The following MADD variants were observed in gnomAD, a reference collection of about 807,000 sequenced individuals.
The protein encoded by MADD is MAP kinase activating death domain.
In MADD, 109 loss-of-function variants were observed where a neutral mutation model predicts 176.7. That is an observed-to-expected ratio of 0.62 (90% CI 0.53 to 0.72). MADD has a LOEUF of 0.72. Among genes scored for constraint, MADD ranks in the 30% least tolerant of loss-of-function variants. MADD has a pLI of 0.00. For synonymous variants in MADD, 771 were observed against 771.3 expected (o/e 1.00, Z 0.01); for missense variants, 1,914 against 2,045.5 (o/e 0.94, Z 1.24).
Position 47,326,819 on chromosome 11 carries a change from A to G in MADD, c.4612+12A>G, listed in dbSNP as rs1438965392. ...CCTGGAGGAATTTGGTAATTACACT[A>G]TTTTGCTCTTAGGTCTGGACTCACA... On this transcript the variant is annotated intron_variant, in intron 31 of 32. Coordinates refer to ENST00000402192, the Ensembl canonical transcript of MADD. 5 of 1,613,866 alleles carry G rather than the reference A, an allele frequency of 3.1e-6. No homozygotes were observed. In the East Asian group the frequency reaches 8.9e-5, roughly 29 times the overall value.
chr11:47,290,408 C>A (rs2064146410), intron 18 of MADD, 109 bp downstream of exon 19: 1 of 1,424,642 alleles, frequency 7.0e-7, no homozygotes, highest in Non-Finnish European at 9.4e-7. Context: ...CACGCTGCTT[C>A]CCATTAGGCT....
intron 26 of MADD, among the ~76,000 whole-genome samples, chr11:47,312,108 G>C (rs1302497732): frequency 2.0e-5 from 3 of 152,158 alleles, no homozygotes; most frequent in African/African-American, 7.2e-5. Flanking sequence ...GTTTTCACGG[G>C]GTTACATTTG....
At position 47,325,101 on chromosome 11, in the gene MADD, C is replaced by T. The variant is rs572692277; in HGVS notation, c.4542+524C>T. ...CTTTTTCTTCTGCGGATTCTTCTTCCTGTTCTTTTCCTTCCTCTGAGTGTT... is the reference window on the plus strand; with the variant it reads ...CTTTTTCTTCTGCGGATTCTTCTTCTTGTTCTTTTCCTTCCTCTGAGTGTT... On this transcript the variant is annotated intron_variant, in intron 30 of 32. Transcript: ENST00000402192. This position sits in a 1 kb window ranked among gnomAD's most constrained non-coding sequence, Gnocchi z 4.5. The T allele has an allele frequency of 3.7e-6, 1 of 267,150 alleles. No individual in the cohort carries two copies. The highest frequency in any genetic ancestry group is 2.2e-5 in the African/African-American group (1 of 45,198). 16.5% of individuals were successfully genotyped at this position (267,150 alleles called of 1,614,324 possible).
chr11:47,305,335 A>G (rs535994001), intron 22 of MADD, among the ~76,000 whole-genome samples: 24 of 152,162 alleles, frequency 1.6e-4, no homozygotes, highest in African/African-American at 5.3e-4. Flanking sequence ...TCTCTGTGGC[A>G]AGGTTGGATG....
In MADD at chr11:47,289,845, A is replaced by G. The variant is rs773077982; in HGVS notation, c.2757-22A>G. On this transcript the variant is annotated intron_variant, in intron 16 of 32. Transcript: ENST00000402192. ...TCTGCAAAGGAGCTGATGACCACAGAAGCGGTGTGTGGACCCTGTAGTGAG... is the reference window on the plus strand; with the variant it reads ...TCTGCAAAGGAGCTGATGACCACAGGAGCGGTGTGTGGACCCTGTAGTGAG... 9 of 1,611,962 alleles carry G rather than the reference A, an allele frequency of 5.6e-6. No individual in the cohort carries two copies. In the African/African-American group the frequency reaches 1.2e-4, roughly 22 times the overall value.
chr11:47,284,653 G>A, intron 12 of MADD, 88 bp downstream of exon 12: 1 of 1,481,006 alleles, frequency 6.8e-7, no homozygotes. Context: ...CTATTCATTT[G>A]CTGCTTCTCA....
intron 2 of MADD, 93 bp downstream of exon 2, chr11:47,274,069 T>C: frequency 8.6e-7 from 1 of 1,169,510 alleles, no homozygotes; most frequent in Non-Finnish European, 1.3e-6. Flanking sequence ...TTGCTTTGCA[T>C]AGCTCATCTT....
chr11:47,282,804 A>C lies in MADD; in HGVS notation c.1706-9A>C. On this transcript the variant is annotated splice_polypyrimidine_tract_variant and intron_variant, in intron 9 of 32. Transcript: ENST00000402192. ...TGCTGACTTTCTGTTCTTTTCCCTC[A>C]TGGGGTAGATATGTTTGATCCAGCC... The C allele has an allele frequency of 6.2e-7, 1 of 1,609,982 alleles. No individual in the cohort carries two copies. The highest frequency in any genetic ancestry group is 8.5e-7 in the Non-Finnish European group (1 of 1,177,468).
chr11:47,310,198 T>C (rs1340755905), intron 25 of MADD, among the ~76,000 whole-genome samples: 5 of 151,230 alleles, frequency 3.3e-5, no homozygotes, highest in African/African-American at 1.2e-4. Context: ...TTCTTTTTTT[T>C]TGAGACAGAG....
At chr11:47,283,494 C>T (rs2058520984) in intron 10 of MADD, among the ~76,000 whole-genome samples, 1 of 152,034 alleles carries the variant, frequency 6.6e-6, no homozygotes, top group South Asian at 2.1e-4. Flanking sequence ...TTCTCCCTCC[C>T]AGGTTCAAGT....
Position 47,293,985 on chromosome 11 carries a change from T to C in MADD, c.3402+2T>C. On this transcript the variant is annotated splice_donor_variant, in intron 20 of 32. Coordinates refer to ENST00000402192, the Ensembl canonical transcript of MADD. LOFTEE classifies it high-confidence loss of function. ...GTGAGCCTGACGTCTAGTTCCCAGG[T>C]TTGTGACAACCTTGTTGAAATTTGC... 6.2e-7 allele frequency: 1 copy of C among 1,612,500 alleles called. No homozygotes were observed. The highest frequency in any genetic ancestry group is 8.5e-7 in the Non-Finnish European group (1 of 1,178,556).
intron 27 of MADD, among the ~76,000 whole-genome samples, chr11:47,323,397 C>CAA (rs79918782): frequency 7.8e-6 from 1 of 128,642 alleles, no homozygotes; most frequent in South Asian, 2.5e-4. Flanking sequence ...GACCCTGTCT[C>CAA]AAAAAAAAAA....
intron 27 of MADD, among the ~76,000 whole-genome samples, chr11:47,315,533 G>T (rs983179155): frequency 2.0e-5 from 3 of 152,094 alleles, no homozygotes; most frequent in Non-Finnish European, 4.4e-5. Context: ...GGAGTGTAGT[G>T]GCTTGATCTC....
rs34602269 is a variant in MADD at position 47,276,851 on chromosome 11, A to G, written c.1083A>G (p.Ala361=). ...TCCCGCTGCTACCCACCTGCATGGCATCAGCAGAGCAGGTGAGTCTCAAGG... is the reference window on the plus strand; with the variant it reads ...TCCCGCTGCTACCCACCTGCATGGCGTCAGCAGAGCAGGTGAGTCTCAAGG... Residue 361 remains alanine (A), a synonymous_variant, in exon 5 of 33, where the codon GCA becomes GCG. Transcript: ENST00000402192. 0.015 allele frequency: 23,418 copies of G among 1,614,118 alleles called. 264 individuals carry two copies. Among genetic ancestry groups the G allele is most frequent in the Non-Finnish European group, 0.016 (19,377 of 1,180,014 alleles).
At chr11:47,282,267 C>T in intron 8 of MADD, 114 bp from the exon 9 acceptor site, 1 of 739,582 alleles carries the variant, frequency 1.4e-6, no homozygotes, top group Non-Finnish European at 2.3e-6. Flanking sequence ...AGATATCTCT[C>T]CCCTTGATGT....
intron 9 of MADD, 82 bp downstream of exon 9, chr11:47,282,698 T>C: frequency 5.0e-6 from 8 of 1,589,226 alleles, no homozygotes; most frequent in Non-Finnish European, 4.3e-6. Flanking sequence ...TGCTAATGTT[T>C]GACCTGTGCC....
intron 14 of MADD, 84 bp downstream of exon 14, chr11:47,285,674 C>G: frequency 1.3e-6 from 2 of 1,577,902 alleles, no homozygotes; most frequent in Non-Finnish European, 1.7e-6. Flanking sequence ...TTGCTTAGAA[C>G]TTCACATGTA....
chr11:47,280,932 C>T (rs556212032), intron 7 of MADD, among the ~76,000 whole-genome samples: 65 of 152,186 alleles, frequency 4.3e-4, no homozygotes, highest in Admixed American at 7.9e-4. Flanking sequence ...TGTTCTAACT[C>T]CTGCTATTCA....
chr11:47,292,923 G>A (rs1250676157), intron 19 of MADD, among the ~76,000 whole-genome samples: 2 of 152,148 alleles, frequency 1.3e-5, no homozygotes, highest in Non-Finnish European at 1.5e-5. Context: ...CTGTTAGAAG[G>A]CCTGTGGGCA....
Sources: gnomAD v4.1 joint callset for allele counts (sites outside exome capture counted in the v4.1 genomes callset) on GRCh38, gnomAD v4.1.1 for gene constraint, Gnocchi (gnomAD v3.1) non-coding constraint, MANE v1.5 for transcripts, NCBI Gene and HGNC (gene_info 2026-07-23, HGNC 2026-07-21) for gene names.